Variants in ACER1 observed in about 807,000 individuals in gnomAD.
The protein encoded by ACER1 is alkaline ceramidase 1.
In ACER1, 28 loss-of-function variants were observed where a neutral mutation model predicts 24.9. That is an observed-to-expected ratio of 1.13 (90% CI 0.83 to 1.54). ACER1 has a LOEUF of 1.54. ACER1 is among the 40% of genes most tolerant of loss of function. The pLI, the probability that ACER1 is intolerant of heterozygous loss-of-function variation, is 0.00. For missense variants in ACER1, 352 were observed against 349.3 expected (o/e 1.01, Z -0.06); for synonymous variants, 132 against 131.4 (o/e 1.00, Z -0.03).
At position 6,312,463 on chromosome 19, in the gene ACER1, T is replaced by C. The variant is rs897572301; in HGVS notation, c.130A>G (p.Met44Val). Residue 44 changes from methionine (M) to valine (V), a missense_variant, in exon 2 of 6, where the codon ATG becomes GTG. Transcript: ENST00000301452. ...GCATACGGGTGCATCAGGAGCATCA[T>C]CAGTGGCCCGAAGATGAAGAAGGGG... ...NIPFFIFGPL[M>V]MLLMHPYAQK... The C allele has an allele frequency of 8.1e-6, 13 of 1,613,650 alleles. No individual in the cohort carries two copies. The highest frequency in any genetic ancestry group is 1.3e-5 in the African/African-American group (1 of 74,816).
the ACER1 span, among the ~76,000 whole-genome samples, chr19:6,347,109 A>AAAAAAAAAAAAAAAAT: frequency 8.8e-5 from 10 of 113,820 alleles, no homozygotes; most frequent in Admixed American, 2.6e-4. Flanking sequence ...AAAAAAAAAA[A>AAAAAAAAAAAAAAAAT]ATATATATAT....
At chr19:6,351,148 C>A in the ACER1 span, among the ~76,000 whole-genome samples, 1 of 149,192 alleles carries the variant, frequency 6.7e-6, no homozygotes, top group Non-Finnish European at 1.5e-5. Flanking sequence ...GGGCGGATCA[C>A]GAGGTCAAGA....
At chr19:6,316,344 A>G (rs2091602975) in intron 1 of ACER1, among the ~76,000 whole-genome samples, 1 of 152,126 alleles carries the variant, frequency 6.6e-6, no homozygotes, top group Admixed American at 6.6e-5. Flanking sequence ...GAGGCTGAGG[A>G]GGAAAGATTG....
chr19:6,336,489 G>T (rs535841168), upstream of ACER1, among the ~76,000 whole-genome samples: 1 of 152,092 alleles, frequency 6.6e-6, no homozygotes, highest in Non-Finnish European at 1.5e-5. Flanking sequence ...CAAGCCTGTT[G>T]TGAAGAGTTA....
chr19:6,332,949 G>C (rs970733687), intron 1 of ACER1, among the ~76,000 whole-genome samples: 3 of 152,056 alleles, frequency 2.0e-5, no homozygotes, highest in Non-Finnish European at 4.4e-5. Flanking sequence ...GATTACAGAC[G>C]TGAGCCACCG....
the ACER1 span, among the ~76,000 whole-genome samples, chr19:6,355,406 C>G: frequency 1.8e-5 from 2 of 110,426 alleles, no homozygotes; most frequent in Non-Finnish European, 3.4e-5. Context: ...GCGACCCCAT[C>G]TGGGAGGTGA....
At chr19:6,319,838 G>A (rs1271857338) in intron 1 of ACER1, among the ~76,000 whole-genome samples, 1 of 152,026 alleles carries the variant, frequency 6.6e-6, no homozygotes, top group African/African-American at 2.4e-5. Flanking sequence ...GGGGCCAGGC[G>A]CAGTGGCTCA....
chr19:6,312,915 G>C (rs943250005), intron 1 of ACER1, among the ~76,000 whole-genome samples: 1 of 152,028 alleles, frequency 6.6e-6, no homozygotes, highest in Non-Finnish European at 1.5e-5. Context: ...GACCTCAGGT[G>C]ATCCGCCCAT....
At chr19:6,349,487 GGGAA>G in the ACER1 span, among the ~76,000 whole-genome samples, 93 of 137,306 alleles carry the variant, frequency 6.8e-4, no homozygotes, top group South Asian at 3.4e-3. Context: ...GAAGGAGGGA[GGGAA>G]GGAAGGAAGG....
At position 6,306,625 on chromosome 19, in the gene ACER1, G is replaced by A; in HGVS notation, c.*89C>T. 5.5e-6 allele frequency: 8 copies of A among 1,456,926 alleles called. No homozygotes were observed. The highest frequency in any genetic ancestry group is 7.4e-6 in the Non-Finnish European group (8 of 1,073,846). 90.2% of individuals were successfully genotyped at this position (1,456,926 alleles called of 1,614,324 possible). ...GGAAACAGAGGAAGGAACCACGAGT[G>A]TCCCGCAGGTGCAAGTCCTGACCGG... On this transcript the variant is annotated 3_prime_UTR_variant, in exon 6 of 6. Coordinates refer to ENST00000301452, the MANE Select transcript of ACER1 (RefSeq NM_133492.3).
At chr19:6,312,351 C>G in intron 2 of ACER1, 34 bp downstream of exon 2, 1 of 1,613,922 alleles carries the variant, frequency 6.2e-7, no homozygotes, top group South Asian at 1.1e-5. Flanking sequence ...CCACTGCCTC[C>G]CGACTGTCAC....
the ACER1 span, among the ~76,000 whole-genome samples, chr19:6,353,696 G>A: frequency 6.6e-6 from 1 of 151,464 alleles, no homozygotes; most frequent in Non-Finnish European, 1.5e-5. Flanking sequence ...GTGGTGGCAC[G>A]TGCATGTAAT....
intron 1 of ACER1, among the ~76,000 whole-genome samples, chr19:6,315,795 A>G (rs1466388024): frequency 2.6e-5 from 4 of 152,074 alleles, no homozygotes; most frequent in Non-Finnish European, 4.4e-5. Flanking sequence ...GATTACAGGC[A>G]TGAGCCACCA....
chr19:6,356,870 T>G, the ACER1 span, among the ~76,000 whole-genome samples: 2 of 152,084 alleles, frequency 1.3e-5, no homozygotes, highest in Admixed American at 1.3e-4. Context: ...CCAAACAAGA[T>G]AGCAGAATGT....
chr19:6,330,412 C>T (rs1045260338), intron 1 of ACER1, among the ~76,000 whole-genome samples: 7 of 150,108 alleles, frequency 4.7e-5, no homozygotes, highest in African/African-American at 7.6e-5. Flanking sequence ...AAATGATCTA[C>T]CTGCCTCGGC....
the ACER1 span, among the ~76,000 whole-genome samples, chr19:6,342,336 A>G: frequency 7.0e-6 from 1 of 143,702 alleles, no homozygotes; most frequent in South Asian, 2.2e-4. Context: ...ATCTTGGCTC[A>G]CTGCAATTTC....
chr19:6,356,403 C>G, the ACER1 span, among the ~76,000 whole-genome samples: 2 of 149,816 alleles, frequency 1.3e-5, no homozygotes, highest in Non-Finnish European at 3.0e-5. Context: ...TGCTGACCCT[C>G]CCTCCACTAT....
At chr19:6,339,011 G>T in the ACER1 span, among the ~76,000 whole-genome samples, 1 of 151,682 alleles carries the variant, frequency 6.6e-6, no homozygotes. Flanking sequence ...CCGATAGCTG[G>T]GATTACAGGC....
At chr19:6,321,785 T>G (rs958650723) in intron 1 of ACER1, among the ~76,000 whole-genome samples, 1 of 152,184 alleles carries the variant, frequency 6.6e-6, no homozygotes, top group Non-Finnish European at 1.5e-5. Context: ...TTTTTAAAAT[T>G]ATTTTTAGTA....
Sources: gnomAD v4.1 joint callset for allele counts (sites outside exome capture counted in the v4.1 genomes callset) on GRCh38, gnomAD v4.1.1 for gene constraint, MANE v1.5 for transcripts, NCBI Gene and HGNC (gene_info 2026-07-23, HGNC 2026-07-21) for gene names.